Variants in JPT2 observed in about 807,000 individuals in gnomAD.
The protein encoded by JPT2 is CRAMP_1 like.
Under a neutral mutation model 15.9 loss-of-function variants are expected in JPT2, and 9 were observed. The ratio of observed to expected loss-of-function variants is 0.57; its 90% CI spans 0.34 to 0.99. The LOEUF (loss-of-function observed/expected upper bound fraction) is 0.99, where lower values mean the gene tolerates loss of function less well. Ranked by LOEUF, JPT2 falls within the 50% of genes least tolerant of loss-of-function variation. The pLI, the probability that JPT2 is intolerant of heterozygous loss-of-function variation, is 0.02. For missense variants in JPT2, 267 were observed against 252.1 expected (o/e 1.06, Z -0.40); for synonymous variants, 95 against 91.7 (o/e 1.04, Z -0.21).
rs1400103802 is a variant in JPT2 at position 1,700,657 on chromosome 16, G to C, written c.*1659G>C. On this transcript the variant is annotated 3_prime_UTR_variant, in exon 5 of 5. Coordinates refer to ENST00000248098, the MANE Select transcript of JPT2 (RefSeq NM_144570.3). ...ACTTTGGAGCCAAGAAACACTCTGT[G>C]TGACTCTACACACACTTCAGGTGGT... 1 of 157,760 alleles carries C rather than the reference G, an allele frequency of 6.3e-6. No individual in the cohort carries two copies. The highest frequency in any genetic ancestry group is 1.4e-5 in the Non-Finnish European group (1 of 70,738). The allele number at this position is 157,760 out of a possible 1,614,324, so 9.8% of individuals were successfully genotyped here.
In JPT2 at chr16:1,700,710, TGAAAG is replaced by T. The variant is rs148841165; in HGVS notation, c.*1717_*1721del. ...GTGCTTCAAAGTCATTGATGCAACTTGAAAGGAAACAGTTTAATGGTGGAAATGAA... is the reference window on the plus strand; with the variant it reads ...GTGCTTCAAAGTCATTGATGCAACTTGAAACAGTTTAATGGTGGAAATGAA... On this transcript the variant is annotated 3_prime_UTR_variant, in exon 5 of 5. Coordinates refer to ENST00000248098, the MANE Select transcript of JPT2 (RefSeq NM_144570.3). The T allele has an allele frequency of 8.6e-3, 1,322 of 153,256 alleles. 10 individuals carry two copies. Among genetic ancestry groups the T allele is most frequent in the Non-Finnish European group, 0.011 (784 of 68,406 alleles). 9.5% of individuals were successfully genotyped at this position (153,256 alleles called of 1,614,324 possible). A position where few individuals can be genotyped will look rare whatever the true frequency, so the allele number is the denominator to read the frequency against.
chr16:1,697,349 C>T (rs1316454382), intron 3 of JPT2, among the ~76,000 whole-genome samples: 2 of 151,866 alleles, frequency 1.3e-5, no homozygotes, highest in African/African-American at 4.8e-5. Flanking sequence ...CCTGTCTCTA[C>T]AAAAAATAGA....
Position 1,683,501 on chromosome 16 carries a change from T to A in JPT2, c.45-1938T>A, listed in dbSNP as rs1193859132. The A allele has an allele frequency of 3.3e-6, 5 of 1,525,562 alleles. No homozygotes were observed. In the Admixed American group the frequency reaches 8.0e-5, roughly 24 times the overall value. The allele number at this position is 1,525,562 out of a possible 1,614,324, so 94.5% of individuals were successfully genotyped here. A position where few individuals can be genotyped will look rare whatever the true frequency, so the allele number is the denominator to read the frequency against. Reference sequence around the variant, plus strand: ...GTCTTTTTTTTTCTCCCTCCTCAAATCCTCCAGGAAATGGCAACTGCTGAC... The same window carrying A: ...GTCTTTTTTTTTCTCCCTCCTCAAAACCTCCAGGAAATGGCAACTGCTGAC... On this transcript the variant is annotated intron_variant, in intron 1 of 4. Transcript: ENST00000248098.
chr16:1,685,232 G>A lies in JPT2; in HGVS notation c.45-207G>A, dbSNP rs899754130. ...AATCCCAGCTACTCAGGAGGCTGAG[G>A]TGGGAGGATCACTTGAGCCCAGGAG... On this transcript the variant is annotated intron_variant, in intron 1 of 4. Coordinates refer to ENST00000248098, the MANE Select transcript of JPT2 (RefSeq NM_144570.3). 5 of 468,466 alleles carry A rather than the reference G, an allele frequency of 1.1e-5. No individual in the cohort carries two copies. The East Asian group carries it at 1.2e-4, about 11-fold the overall frequency. 29.0% of individuals were successfully genotyped at this position (468,466 alleles called of 1,614,324 possible).
At chr16:1,682,245 C>T (rs570435439) in intron 1 of JPT2, among the ~76,000 whole-genome samples, 6 of 151,714 alleles carry the variant, frequency 4.0e-5, no homozygotes, top group South Asian at 4.2e-4. Flanking sequence ...AGCACGGTGA[C>T]GCACACCTGT....
intron 1 of JPT2, among the ~76,000 whole-genome samples, chr16:1,679,617 G>A (rs1263107866): frequency 6.6e-6 from 1 of 150,812 alleles, no homozygotes; most frequent in African/African-American, 2.4e-5. Flanking sequence ...AGAATCACTT[G>A]AACCCAGAGG....
intron 3 of JPT2, 141 bp downstream of exon 3, chr16:1,692,126 C>T: frequency 8.8e-7 from 1 of 1,140,044 alleles, no homozygotes; most frequent in South Asian, 1.5e-5. Context: ...AAGCATTAGT[C>T]ATCGAGTTTG....
In JPT2 at chr16:1,688,120, C is replaced by G. The variant is rs187269988; in HGVS notation, c.193+2533C>G. ...ATGAATTGTTAATATTTACCGGGGACTGTGCTAAGTGCTTTGCATGTGTAT... is the reference window on the plus strand; with the variant it reads ...ATGAATTGTTAATATTTACCGGGGAGTGTGCTAAGTGCTTTGCATGTGTAT... On this transcript the variant is annotated intron_variant, in intron 2 of 4. Transcript: ENST00000248098. Among the ~76,000 whole-genome samples the G allele has an allele frequency of 9.8e-5, 15 of 152,348 alleles. No individual in the cohort carries two copies. In the East Asian group the frequency reaches 2.3e-3, roughly 24 times the overall value.
chr16:1,678,365 C>T lies in JPT2; in HGVS notation c.44+9C>T. On this transcript the variant is annotated intron_variant, in intron 1 of 4. Coordinates refer to ENST00000248098, the MANE Select transcript of JPT2 (RefSeq NM_144570.3). ...GGCCGCGCCGGCTCCAGGTGCGGCG[C>T]GGGGCACACGGGAGGCGGGCGGATA... 9.0e-7 allele frequency: 1 copy of T among 1,106,946 alleles called. No homozygotes were observed. Among genetic ancestry groups the T allele is most frequent in the South Asian group, 4.4e-5 (1 of 22,968 alleles). The allele number at this position is 1,106,946 out of a possible 1,614,324, so 68.6% of individuals were successfully genotyped here. A position where few individuals can be genotyped will look rare whatever the true frequency, so the allele number is the denominator to read the frequency against.
chr16:1,698,540 C>G lies in JPT2; in HGVS notation c.386-271C>G, dbSNP rs2037158808. On this transcript the variant is annotated intron_variant, in intron 4 of 4. Coordinates refer to ENST00000248098, the MANE Select transcript of JPT2 (RefSeq NM_144570.3). The surrounding 1 kb of genome is among the most constrained non-coding windows in gnomAD (Gnocchi z 4.9). ...AGAAATGGGAGTGGTGTCTAACAAG[C>G]AATATAAAGAAACAATTCACTTAGG... 6.6e-6 allele frequency among the ~76,000 whole-genome samples: 1 copy of G among 152,126 alleles called. No homozygotes were observed. Among genetic ancestry groups the G allele is most frequent in the South Asian group, 2.1e-4 (1 of 4,826 alleles).
intron 2 of JPT2, 63 bp downstream of exon 2, chr16:1,685,650 T>A (rs2037059329): frequency 6.6e-7 from 1 of 1,526,180 alleles, no homozygotes; most frequent in African/African-American, 1.4e-5. Flanking sequence ...AAATATTTTC[T>A]GTTTCTTTAT....
chr16:1,688,459 G>T lies in JPT2; in HGVS notation c.193+2872G>T, dbSNP rs562861480. ...GGAATTGGTAGATCAGATGATATAT[G>T]AGTTTAAAATATGGATAGATAGTTC... On this transcript the variant is annotated intron_variant, in intron 2 of 4. Transcript: ENST00000248098. The T allele has an allele frequency of 2.0e-5, 3 of 152,362 alleles. No individual in the cohort carries two copies. The East Asian group carries it at 5.8e-4, about 29-fold the overall frequency. 9.4% of individuals were successfully genotyped at this position (152,362 alleles called of 1,614,324 possible). A position where few individuals can be genotyped will look rare whatever the true frequency, so the allele number is the denominator to read the frequency against.
intron 3 of JPT2, among the ~76,000 whole-genome samples, chr16:1,692,998 C>T (rs1417601582): frequency 6.6e-6 from 1 of 152,244 alleles, no homozygotes; most frequent in Non-Finnish European, 1.5e-5. Flanking sequence ...TGCCCTACAT[C>T]TCTCTTGTGC....
chr16:1,685,740 T>G, intron 2 of JPT2, 153 bp downstream of exon 2: 4 of 821,410 alleles, frequency 4.9e-6, no homozygotes, highest in Non-Finnish European at 7.3e-6. Context: ...TTCTGATTTG[T>G]ACTTTCTCTC....
At position 1,691,458 on chromosome 16, in the gene JPT2, T is replaced by A. The variant is rs73501616; in HGVS notation, c.194-385T>A. On this transcript the variant is annotated intron_variant, in intron 2 of 4. Coordinates refer to ENST00000248098, the MANE Select transcript of JPT2 (RefSeq NM_144570.3). ...ACTCTTATCTGTGTGACTTAAACAT[T>A]TAGCTGTTTATTTTTAATCTACTGA... 6.4e-3 allele frequency among the ~76,000 whole-genome samples: 967 copies of A among 152,254 alleles called. 10 individuals are homozygous for A. Among genetic ancestry groups the A allele is most frequent in the African/African-American group, 0.022 (929 of 41,532 alleles).
intron 1 of JPT2, among the ~76,000 whole-genome samples, chr16:1,678,947 C>T (rs987232379): frequency 2.6e-5 from 4 of 152,198 alleles, no homozygotes; most frequent in Non-Finnish European, 2.9e-5. Context: ...AGTGCCAGGG[C>T]GTCTGGGGAA....
In JPT2 at chr16:1,698,643, G is replaced by A. The variant is rs1440236655; in HGVS notation, c.386-168G>A. Among the ~76,000 whole-genome samples the A allele has an allele frequency of 2.6e-5, 4 of 152,254 alleles. No individual in the cohort carries two copies. The highest frequency in any genetic ancestry group is 1.3e-4 in the Admixed American group (2 of 15,290). The stretch of plus-strand genomic sequence containing the variant: ...AAACTGCATCTGCTAATTACAGTGA[G>A]TTGTTTTGGTACCAGATGAAAAGCC... On this transcript the variant is annotated intron_variant, in intron 4 of 4. Transcript: ENST00000248098. This position sits in a 1 kb window ranked among gnomAD's most constrained non-coding sequence, Gnocchi z 4.9.
chr16:1,694,501 A>G (rs1290241221), intron 3 of JPT2, among the ~76,000 whole-genome samples: 2 of 152,248 alleles, frequency 1.3e-5, no homozygotes, highest in African/African-American at 4.8e-5. Flanking sequence ...TATAATTCAT[A>G]TGGAATTTCA....
At chr16:1,682,659 C>A (rs1356546706) in intron 1 of JPT2, among the ~76,000 whole-genome samples, 1 of 148,342 alleles carries the variant, frequency 6.7e-6, no homozygotes, top group South Asian at 2.1e-4. Flanking sequence ...GCAACAAGAG[C>A]GAGATTTCGT....
Sources: allele counts gnomAD v4.1 joint callset (sites outside exome capture counted in the v4.1 genomes callset), GRCh38; gene constraint gnomAD v4.1.1; non-coding constraint Gnocchi (gnomAD v3.1); transcripts MANE v1.5; gene names NCBI Gene and HGNC (gene_info 2026-07-23, HGNC 2026-07-21).